The following RNF130 variants were observed in gnomAD, a reference collection of about 807,000 sequenced individuals.
The protein encoded by RNF130 is E3 ubiquitin-protein ligase RNF130.
RNF130 carries 21 observed loss-of-function variants against 44.6 expected under a neutral mutation model. That is an observed-to-expected ratio of 0.47 (90% CI 0.33 to 0.68). RNF130 has a LOEUF of 0.68. Ranked by LOEUF, RNF130 falls within the 30% of genes least tolerant of loss-of-function variation. RNF130 has a pLI of 0.02. For synonymous variants in RNF130, 214 were observed against 210.4 expected (o/e 1.02, Z -0.15); for missense variants, 479 against 560.6 (o/e 0.85, Z 1.47).
intron 7 of RNF130, among the ~76,000 whole-genome samples, chr5:179,942,422 T>TA (rs1388783345): frequency 2.0e-5 from 3 of 152,078 alleles, no homozygotes; most frequent in Non-Finnish European, 2.9e-5. Context: ...AAAAAGAATA[T>TA]ATGGTCCGTA....
intron 1 of RNF130, among the ~76,000 whole-genome samples, chr5:180,041,619 G>A (rs1582213264): frequency 6.6e-6 from 1 of 152,196 alleles, no homozygotes; most frequent in African/African-American, 2.4e-5. Flanking sequence ...GAAGGGGAGA[G>A]AAGTCACCAA....
intron 1 of RNF130, among the ~76,000 whole-genome samples, chr5:180,055,247 TCAAAAAAAAAAAAAA>T (rs1764779757): frequency 3.5e-5 from 1 of 28,466 alleles, no homozygotes; most frequent in Non-Finnish European, 5.7e-5. Flanking sequence ...AGGTTCTGTC[TCAAAAAAAAAAAAAA>T]AAAAAAAAAA....
intron 7 of RNF130, chr5:179,939,952 CT>C (rs34848443): frequency 0.023 from 4,304 of 189,726 alleles, 3 homozygotes; most frequent in South Asian, 0.052. Context: ...ATAAACGTCC[CT>C]TTTTTTTTTT....
intron 7 of RNF130, among the ~76,000 whole-genome samples, chr5:179,948,557 G>A (rs1424671181): frequency 3.9e-5 from 6 of 152,138 alleles, no homozygotes; most frequent in Non-Finnish European, 8.8e-5. Flanking sequence ...TGTAATCCCA[G>A]CTACTCAGGA....
chr5:179,939,755 C>T (rs1351916386), intron 7 of RNF130: 2 of 437,202 alleles, frequency 4.6e-6, no homozygotes, highest in Non-Finnish European at 9.0e-6. Flanking sequence ...AAAACGACCC[C>T]CTCCCTTGGC....
At chr5:180,013,475 A>G (rs1439094774) in intron 2 of RNF130, among the ~76,000 whole-genome samples, 164 bp from the exon 3 acceptor site, 1 of 152,240 alleles carries the variant, frequency 6.6e-6, no homozygotes, top group Non-Finnish European at 1.5e-5. Context: ...GTATGCTGGC[A>G]CCAAGTAGGA....
At chr5:179,920,197 G>C (rs1159692778) in exon 8 of RNF130, 2 of 603,182 alleles carry the variant, frequency 3.3e-6, no homozygotes, top group Non-Finnish European at 6.0e-6. Flanking sequence ...CCCAACCTGT[G>C]CTTGGAAAGT....
intron 2 of RNF130, among the ~76,000 whole-genome samples, chr5:180,029,368 G>A (rs965513633): frequency 6.6e-6 from 1 of 152,140 alleles, no homozygotes; most frequent in Non-Finnish European, 1.5e-5. Flanking sequence ...CATCTCCACT[G>A]AGAACAGCAT....
At chr5:180,071,311 C>T in intron 1 of RNF130, 145 bp downstream of exon 1, 1 of 740,964 alleles carries the variant, frequency 1.3e-6, no homozygotes, top group Non-Finnish European at 1.8e-6. Context: ...GCCGGGCTGT[C>T]CACGACGGAA....
intron 2 of RNF130, among the ~76,000 whole-genome samples, chr5:180,014,362 T>C (rs1763666900): frequency 6.6e-6 from 1 of 152,212 alleles, no homozygotes; most frequent in Non-Finnish European, 1.5e-5. Flanking sequence ...TTTCATAAGC[T>C]GAAGCTGCCG....
At chr5:179,988,129 T>C (rs751345113) in intron 3 of RNF130, among the ~76,000 whole-genome samples, 3 of 152,208 alleles carry the variant, frequency 2.0e-5, no homozygotes, top group Admixed American at 1.3e-4. Context: ...CTATTTATTG[T>C]TCTGTTCATG....
At chr5:180,016,359 T>G (rs977092692) in intron 2 of RNF130, among the ~76,000 whole-genome samples, 1 of 85,214 alleles carries the variant, frequency 1.2e-5, no homozygotes, top group South Asian at 4.4e-4. Flanking sequence ...AAAGGAAATG[T>G]AGGCTTCACA....
intron 7 of RNF130, among the ~76,000 whole-genome samples, chr5:179,929,751 A>AG (rs944488488): frequency 5.3e-5 from 8 of 151,480 alleles, no homozygotes; most frequent in African/African-American, 1.9e-4. Context: ...GTGTCTCAAA[A>AG]AAAAAAAATT....
chr5:180,058,713 G>A (rs887440182), intron 1 of RNF130, among the ~76,000 whole-genome samples: 3 of 151,890 alleles, frequency 2.0e-5, no homozygotes, highest in Non-Finnish European at 2.9e-5. Flanking sequence ...ACACCACCAC[G>A]CCTGGCTAAC....
chr5:179,998,196 T>C (rs1318804570), intron 3 of RNF130, among the ~76,000 whole-genome samples: 3 of 152,250 alleles, frequency 2.0e-5, no homozygotes, highest in South Asian at 2.1e-4. Flanking sequence ...TGCAAATCTC[T>C]ATTGTTTTGA....
At chr5:180,067,641 T>A (rs1488945291) in intron 1 of RNF130, among the ~76,000 whole-genome samples, 2 of 152,180 alleles carry the variant, frequency 1.3e-5, no homozygotes, top group African/African-American at 4.8e-5. Flanking sequence ...TAAATATAAT[T>A]TATTATATAC....
At chr5:179,981,559 C>G (rs1762842411) in intron 3 of RNF130, among the ~76,000 whole-genome samples, 1 of 152,338 alleles carries the variant, frequency 6.6e-6, no homozygotes, top group Admixed American at 6.5e-5. Flanking sequence ...CTGTTTCCCT[C>G]TTTACTGTGT....
At chr5:179,995,364 G>A (rs979584178) in intron 3 of RNF130, among the ~76,000 whole-genome samples, 2 of 152,144 alleles carry the variant, frequency 1.3e-5, no homozygotes, top group East Asian at 1.9e-4. Flanking sequence ...GGGTGCAGGG[G>A]TCCAATTCTA....
At position 179,965,169 on chromosome 5, in the gene RNF130, A is replaced by C. The variant is rs908066576; in HGVS notation, c.1151-1605T>G. ...GTGATTGCAATTTTAAAAACTAGTA[A>C]CAAAAGGAAGTAAACACCATCATAA... On this transcript the variant is annotated intron_variant, in intron 7 of 8. Transcript: ENST00000521389. Among the ~76,000 whole-genome samples, 5 of 152,272 alleles carry C rather than the reference A, an allele frequency of 3.3e-5. No homozygotes were observed. In the East Asian group the frequency reaches 9.7e-4, roughly 29 times the overall value.
Sources: allele counts gnomAD v4.1 joint callset (sites outside exome capture counted in the v4.1 genomes callset), GRCh38; gene constraint gnomAD v4.1.1; transcripts MANE v1.5; gene names NCBI Gene and HGNC (gene_info 2026-07-23, HGNC 2026-07-21).